Variants in ARMC2 observed in about 807,000 individuals in gnomAD.
ARMC2 encodes armadillo repeat containing 2.
ARMC2 carries 67 observed loss-of-function variants against 90.3 expected under a neutral mutation model. The observed-to-expected ratio is 0.74, with a 90% CI of 0.61 to 0.91. The LOEUF is 0.91. Among genes scored for constraint, ARMC2 ranks in the 40% least tolerant of loss-of-function variants. ARMC2 has a pLI of 0.00. For synonymous variants in ARMC2, 393 were observed against 393.0 expected, an observed-to-expected ratio of 1.00 and a Z score of 0.00; for missense variants, 920 against 1,030.9, an observed-to-expected ratio of 0.89 and a Z score of 1.47.
intron 4 of ARMC2, among the ~76,000 whole-genome samples, chr6:108,872,839 T>C (rs1409968178): frequency 6.6e-6 from 1 of 152,200 alleles, no homozygotes; most frequent in Non-Finnish European, 1.5e-5. Flanking sequence ...AAAATGTTAA[T>C]AGCTTCTCTT....
At chr6:109,033,341 A>C in the ARMC2 span, among the ~76,000 whole-genome samples, 1 of 152,252 alleles carries the variant, frequency 6.6e-6, no homozygotes, top group Non-Finnish European at 1.5e-5. Flanking sequence ...ATTAGAATAA[A>C]AAAATTTATT....
intron 10 of ARMC2, among the ~76,000 whole-genome samples, chr6:108,918,281 T>C (rs1050183492): frequency 6.6e-6 from 1 of 151,964 alleles, no homozygotes; most frequent in Non-Finnish European, 1.5e-5. Context: ...TCAGCAAGGA[T>C]GGGTCAGCTT....
At chr6:108,957,486 C>T (rs936500349) in intron 13 of ARMC2, among the ~76,000 whole-genome samples, 5 of 152,196 alleles carry the variant, frequency 3.3e-5, no homozygotes, top group Non-Finnish European at 7.3e-5. Flanking sequence ...AAGGGCCTGC[C>T]CGTGGTTTGG....
the ARMC2 span, chr6:109,001,163 G>T: frequency 1.2e-6 from 1 of 822,904 alleles, no homozygotes; most frequent in Middle Eastern, 3.8e-4. Context: ...AACAGAGACT[G>T]TGCAACAGGA....
intron 1 of ARMC2, 116 bp downstream of exon 1, chr6:108,848,662 G>A (rs1332370827): frequency 1.3e-5 from 2 of 152,512 alleles, no homozygotes; most frequent in African/African-American, 2.4e-5. Context: ...CGGGGCGGCG[G>A]CGGGAGGTAG....
chr6:108,912,715 G>C (rs1219390644), intron 10 of ARMC2, among the ~76,000 whole-genome samples, 157 bp downstream of exon 10: 3 of 152,218 alleles, frequency 2.0e-5, no homozygotes, highest in Non-Finnish European at 4.4e-5. Flanking sequence ...CCCCATGAGG[G>C]CCTGGTGCCT....
chr6:108,855,560 A>G (rs900035573), intron 2 of ARMC2, among the ~76,000 whole-genome samples: 2 of 151,688 alleles, frequency 1.3e-5, no homozygotes, highest in African/African-American at 2.4e-5. Context: ...CAAGTTTTCA[A>G]CTCCTTTGGG....
At chr6:108,999,238 T>C in the ARMC2 span, 17,049 of 152,808 alleles carry the variant, frequency 0.11, 1,049 homozygotes, top group Middle Eastern at 0.19. Flanking sequence ...AAAAGTTATA[T>C]ATAACTTCTA....
chr6:109,030,093 C>G, the ARMC2 span, among the ~76,000 whole-genome samples: 1 of 152,106 alleles, frequency 6.6e-6, no homozygotes, highest in Non-Finnish European at 1.5e-5. Context: ...TTTCGAGACA[C>G]CTGGGTCTTA....
In ARMC2 at chr6:108,973,636, T is replaced by C; in HGVS notation, c.*122T>C. Reference sequence around the variant, plus strand: ...TGGAAAGTTTTTCAAGAACTGGTTTTAGTGAGTAGCTGAAGTATTTTTTAA... The same window carrying C: ...TGGAAAGTTTTTCAAGAACTGGTTTCAGTGAGTAGCTGAAGTATTTTTTAA... On this transcript the variant is annotated 3_prime_UTR_variant, in exon 18 of 18. Transcript: ENST00000392644. The C allele has an allele frequency of 2.1e-6, 2 of 959,516 alleles. No homozygotes were observed. Among genetic ancestry groups the C allele is most frequent in the Non-Finnish European group, 3.0e-6 (2 of 665,206 alleles). 59.4% of individuals were successfully genotyped at this position (959,516 alleles called of 1,614,324 possible). A position where few individuals can be genotyped will look rare whatever the true frequency, so the allele number is the denominator to read the frequency against.
chr6:108,910,617 T>C (rs1294994870), intron 8 of ARMC2, among the ~76,000 whole-genome samples: 1 of 152,224 alleles, frequency 6.6e-6, no homozygotes, highest in East Asian at 1.9e-4. Context: ...ATCGAAGATA[T>C]ATCTGCACTC....
chr6:108,892,365 T>C (rs1771156591), intron 5 of ARMC2, among the ~76,000 whole-genome samples: 1 of 152,194 alleles, frequency 6.6e-6, no homozygotes, highest in African/African-American at 2.4e-5. Context: ...TATGTACAAA[T>C]AAAGCAGTTA....
intron 8 of ARMC2, among the ~76,000 whole-genome samples, chr6:108,904,736 C>T (rs370745305): frequency 3.3e-4 from 50 of 152,034 alleles, no homozygotes; most frequent in African/African-American, 1.1e-3. Context: ...AAAATGGTTG[C>T]TCAAATAACT....
At chr6:108,872,752 C>G (rs1012762409) in intron 4 of ARMC2, among the ~76,000 whole-genome samples, 92 of 152,296 alleles carry the variant, frequency 6.0e-4, no homozygotes, top group African/African-American at 2.1e-3. Flanking sequence ...TTGCTGAAAA[C>G]CCTTCAGAGG....
intron 4 of ARMC2, among the ~76,000 whole-genome samples, chr6:108,875,538 G>C (rs1033380272): frequency 5.3e-5 from 8 of 152,106 alleles, no homozygotes; most frequent in African/African-American, 1.9e-4. Flanking sequence ...TCCATAAAGG[G>C]TTTGTCCTCC....
At chr6:108,959,048 A>G (rs1408039526) in intron 13 of ARMC2, among the ~76,000 whole-genome samples, 3 of 152,196 alleles carry the variant, frequency 2.0e-5, no homozygotes, top group Non-Finnish European at 4.4e-5. Flanking sequence ...AACCAAAATA[A>G]TTCAGTTCCT....
At chr6:109,003,366 T>C in the ARMC2 span, among the ~76,000 whole-genome samples, 1 of 123,524 alleles carries the variant, frequency 8.1e-6, no homozygotes, top group Non-Finnish European at 1.7e-5. Context: ...AGAAAAAAAG[T>C]GGGGATGGGG....
At chr6:108,862,521 GCC>G (rs1775378642) in intron 3 of ARMC2, among the ~76,000 whole-genome samples, 1 of 152,014 alleles carries the variant, frequency 6.6e-6, no homozygotes, top group African/African-American at 2.4e-5. Context: ...AAAATTTGGG[GCC>G]CCCAGTCAAA....
chr6:109,032,133 G>A, the ARMC2 span, among the ~76,000 whole-genome samples: 66 of 152,296 alleles, frequency 4.3e-4, no homozygotes, highest in South Asian at 4.3e-3. Flanking sequence ...TTAGCCAGGC[G>A]TGGTGGTTCA....
Sources: allele counts gnomAD v4.1 joint callset (sites outside exome capture counted in the v4.1 genomes callset), GRCh38; gene constraint gnomAD v4.1.1; transcripts MANE v1.5; gene names NCBI Gene and HGNC (gene_info 2026-07-23, HGNC 2026-07-21).